The following RGPD4 variants were observed in gnomAD, a reference collection of about 807,000 sequenced individuals.
The protein encoded by RGPD4 is ranBP2-like and GRIP domain-containing protein 4.
RGPD4 carries 84 observed loss-of-function variants against 141.1 expected under a neutral mutation model. That is an observed-to-expected ratio of 0.60 (90% CI 0.50 to 0.71). The LOEUF is 0.71. Among genes scored for constraint, RGPD4 ranks in the 30% least tolerant of loss-of-function variants. The pLI is 0.00. For synonymous variants in RGPD4, 298 were observed against 566.8 expected (o/e 0.53, Z 6.74); for missense variants, 918 against 1,622.4 (o/e 0.57, Z 7.46).
At chr2:107,834,137 C>G (rs112615528) in intron 1 of RGPD4, among the ~76,000 whole-genome samples, 1 of 151,686 alleles carries the variant, frequency 6.6e-6, no homozygotes, top group African/African-American at 2.4e-5. Flanking sequence ...GTTGCCAGAG[C>G]TGGGATTGCA....
chr2:107,853,918 A>T (rs1682202558), intron 7 of RGPD4, among the ~76,000 whole-genome samples: 1 of 103,024 alleles, frequency 9.7e-6, no homozygotes, highest in Admixed American at 1.1e-4. Flanking sequence ...TGGCTAATTA[A>T]AAAAAACTTT....
chr2:107,885,593 G>C (rs997559988), intron 22 of RGPD4, among the ~76,000 whole-genome samples: 6 of 152,230 alleles, frequency 3.9e-5, no homozygotes, highest in African/African-American at 9.6e-5. Flanking sequence ...TGTGCATTTG[G>C]TAAGTCCTGT....
At chr2:107,857,653 T>A (rs1455509267) in intron 9 of RGPD4, among the ~76,000 whole-genome samples, 1 of 151,744 alleles carries the variant, frequency 6.6e-6, no homozygotes, top group African/African-American at 2.4e-5. Context: ...CAGGCTAGTC[T>A]CCAACTCCTA....
intron 22 of RGPD4, among the ~76,000 whole-genome samples, chr2:107,884,139 G>C (rs1234780929): frequency 6.6e-6 from 1 of 151,636 alleles, no homozygotes; most frequent in Admixed American, 6.6e-5. Flanking sequence ...GAGATGTAGT[G>C]TTGCTCTGTC....
At chr2:107,847,780 G>A (rs866652355) in intron 6 of RGPD4, among the ~76,000 whole-genome samples, 21 of 90,314 alleles carry the variant, frequency 2.3e-4, no homozygotes, top group Middle Eastern at 0.011. Flanking sequence ...AGCTTAGATC[G>A]TGCCATTGCA....
chr2:107,826,913 C>T lies in RGPD4; in HGVS notation c.-101C>T, dbSNP rs570646924. The T allele has an allele frequency of 7.1e-6, 11 of 1,545,644 alleles. No individual in the cohort carries two copies. Among genetic ancestry groups the T allele is most frequent in the African/African-American group, 1.4e-5 (1 of 72,942 alleles). The stretch of plus-strand genomic sequence containing the variant: ...CGTCACAGTGGTCCTCCGCCGGCTA[C>T]GCGGAGTCAGTGGCTTTCAGGCGCT... On this transcript the variant is annotated 5_prime_UTR_variant, in exon 1 of 23. The change creates a new upstream start codon in the 5' untranslated region. Coordinates refer to ENST00000408999, the MANE Select transcript of RGPD4 (RefSeq NM_182588.3).
intron 21 of RGPD4, 49 bp from the exon 22 acceptor site, chr2:107,882,623 T>C: frequency 6.6e-7 from 1 of 1,524,518 alleles, no homozygotes; most frequent in East Asian, 2.3e-5. Context: ...CTGCCATATT[T>C]AATCAGAAGC....
In RGPD4 at chr2:107,869,775, T is replaced by C. The variant is rs1426915822; in HGVS notation, c.2606-108T>C. On this transcript the variant is annotated intron_variant, in intron 18 of 22. Coordinates refer to ENST00000408999, the MANE Select transcript of RGPD4 (RefSeq NM_182588.3). Reference sequence around the variant, plus strand: ...GAAATTTAAAATTTATGTAGTTAAATCTTTCTTTAATTTCTATTGCTTTTG... The same window carrying C: ...GAAATTTAAAATTTATGTAGTTAAACCTTTCTTTAATTTCTATTGCTTTTG... The C allele has an allele frequency of 2.0e-5, 26 of 1,289,490 alleles. 1 individual carries two copies. The highest frequency in any genetic ancestry group is 1.0e-4 in the South Asian group (7 of 70,074). 79.9% of individuals were successfully genotyped at this position (1,289,490 alleles called of 1,614,324 possible).
rs1675640376 is a variant in RGPD4, at chr2:107,890,901, A to G, written c.*170A>G. On this transcript the variant is annotated 3_prime_UTR_variant, in exon 23 of 23. Transcript: ENST00000408999. ...AAAGTGTGTATATGTTTGCATTTACATATATTTGTACATCTATATGACAGA... is the reference window on the plus strand; with the variant it reads ...AAAGTGTGTATATGTTTGCATTTACGTATATTTGTACATCTATATGACAGA... The G allele has an allele frequency of 3.0e-6, 2 of 672,340 alleles. No homozygotes were observed. Among genetic ancestry groups the G allele is most frequent in the Non-Finnish European group, 5.1e-6 (2 of 390,116 alleles). The allele number at this position is 672,340 out of a possible 1,614,324, so 41.6% of individuals were successfully genotyped here. A position where few individuals can be genotyped will look rare whatever the true frequency, so the allele number is the denominator to read the frequency against.
chr2:107,829,818 C>T (rs1252168067), intron 1 of RGPD4, among the ~76,000 whole-genome samples: 1 of 152,090 alleles, frequency 6.6e-6, no homozygotes, highest in Admixed American at 6.5e-5. Flanking sequence ...GTAGTACCCG[C>T]GCAGCCTGGT....
At chr2:107,867,318 G>A (rs1042207580) in intron 18 of RGPD4, among the ~76,000 whole-genome samples, 2 of 152,046 alleles carry the variant, frequency 1.3e-5, no homozygotes, top group Admixed American at 1.3e-4. Flanking sequence ...AATAAAATCT[G>A]GTTTAGATGA....
chr2:107,889,158 T>A (rs1675584495), intron 22 of RGPD4, among the ~76,000 whole-genome samples: 1 of 148,752 alleles, frequency 6.7e-6, no homozygotes, highest in African/African-American at 2.6e-5. Flanking sequence ...TCTGGAAGGG[T>A]AATGCCAAAT....
Position 107,890,760 on chromosome 2 carries a change from C to T in RGPD4, c.*29C>T, listed in dbSNP as rs778132011. On this transcript the variant is annotated 3_prime_UTR_variant, in exon 23 of 23. Coordinates refer to ENST00000408999, the MANE Select transcript of RGPD4 (RefSeq NM_182588.3). ...GCTTCCCGTTCTTCTGGATGGGCAT[C>T]CTATCTTCGTAGTTGGTTTGGACTT... 6 of 1,601,848 alleles carry T rather than the reference C, an allele frequency of 3.7e-6. No homozygotes were observed. The highest frequency in any genetic ancestry group is 5.1e-6 in the Non-Finnish European group (6 of 1,176,266).
chr2:107,887,299 T>C (rs1051217852), intron 22 of RGPD4, among the ~76,000 whole-genome samples: 5 of 152,160 alleles, frequency 3.3e-5, no homozygotes, highest in Non-Finnish European at 7.3e-5. Context: ...AACATTAGAA[T>C]ATGTTGAATC....
At position 107,888,505 on chromosome 2, in the gene RGPD4, T is replaced by C. The variant is rs537172083; in HGVS notation, c.5267-2216T>C. On this transcript the variant is annotated intron_variant, in intron 22 of 22. Coordinates refer to ENST00000408999, the MANE Select transcript of RGPD4 (RefSeq NM_182588.3). ...TAAGCAATATCGCTTCCTTCTACTT[T>C]CTAGAAGTTCTTCAGATTGTGGAAG... 1.0e-3 allele frequency among the ~76,000 whole-genome samples: 158 copies of C among 151,426 alleles called. 1 individual carries two copies. Among genetic ancestry groups the C allele is most frequent in the African/African-American group, 3.5e-3 (143 of 41,146 alleles).
In RGPD4 at chr2:107,869,928, A is replaced by G. The variant is rs2104486490; in HGVS notation, c.2651A>G (p.Tyr884Cys). 1.3e-6 allele frequency: 2 copies of G among 1,497,930 alleles called. No homozygotes were observed. Among genetic ancestry groups the G allele is most frequent in the East Asian group, 2.3e-5 (1 of 43,912 alleles). 92.8% of individuals were successfully genotyped at this position (1,497,930 alleles called of 1,614,324 possible). Residue 884 changes from tyrosine to cysteine, a missense_variant, in exon 19 of 23, where the codon TAT becomes TGT. Transcript: ENST00000408999. The part of the protein sequence containing the change: ...PSVYYSQSPA[Y>C]NSQYLLRPAA... ...GTATATTATAGTCAGTCACCAGCAT[A>G]TAATTCCCAGTATCTTCTCAGACCA...
intron 1 of RGPD4, among the ~76,000 whole-genome samples, chr2:107,832,137 CT>C (rs1219146612): frequency 1.3e-5 from 2 of 151,804 alleles, no homozygotes; most frequent in Non-Finnish European, 2.9e-5. Context: ...AACTTAAACC[CT>C]CAAATGTGGT....
intron 22 of RGPD4, among the ~76,000 whole-genome samples, chr2:107,885,431 T>C (rs961994326): frequency 2.0e-5 from 3 of 152,194 alleles, no homozygotes; most frequent in Non-Finnish European, 4.4e-5. Flanking sequence ...GCATGTTTAA[T>C]GTAGATGTTG....
chr2:107,886,769 G>A (rs1474507216), intron 22 of RGPD4, among the ~76,000 whole-genome samples: 1 of 151,980 alleles, frequency 6.6e-6, no homozygotes, highest in Non-Finnish European at 1.5e-5. Context: ...TGGCACTGAA[G>A]GAAACAGGGC....
Sources: gnomAD v4.1 joint callset for allele counts (sites outside exome capture counted in the v4.1 genomes callset) on GRCh38, gnomAD v4.1.1 for gene constraint, MANE v1.5 for transcripts, NCBI Gene and HGNC (gene_info 2026-07-23, HGNC 2026-07-21) for gene names.